DIP2C: variants seen among roughly 807,000 people sequenced by gnomAD.
DIP2C encodes the protein disco-interacting protein 2 homolog C.
A neutral mutation model predicts 192.4 loss-of-function variants in DIP2C; 33 were observed. The observed-to-expected ratio is 0.17, with a 90% CI of 0.13 to 0.23. The LOEUF is 0.23. Among genes scored for constraint, DIP2C ranks in the 10% least tolerant of loss-of-function variants. The pLI, the probability that DIP2C is intolerant of heterozygous loss-of-function variation, is 1.00. For missense variants in DIP2C, 1,537 were observed against 2,110.1 expected, an observed-to-expected ratio of 0.73 and a Z score of 5.32; for synonymous variants, 979 against 864.1, an observed-to-expected ratio of 1.13 and a Z score of -2.33.
intron 1 of DIP2C, among the ~76,000 whole-genome samples, chr10:494,372 AAC>A (rs143415810): frequency 0.022 from 3,304 of 152,320 alleles, 125 homozygotes; most frequent in African/African-American, 0.074. Context: ...CACCGGGGCC[AAC>A]AGAGCCTCAA....
intron 1 of DIP2C, chr10:663,508 G>A (rs554372710): frequency 6.6e-6 from 1 of 152,410 alleles, no homozygotes; most frequent in African/African-American, 2.4e-5. Context: ...CCAGGAAGCA[G>A]GGACAGGACA....
intron 1 of DIP2C, among the ~76,000 whole-genome samples, chr10:604,059 C>CT (rs1852295228): frequency 6.7e-6 from 1 of 149,952 alleles, no homozygotes; most frequent in East Asian, 2.0e-4. Context: ...CCCCTCTGGC[C>CT]TCTACCTCAT....
intron 1 of DIP2C, among the ~76,000 whole-genome samples, chr10:516,055 G>C (rs1034395959): frequency 1.3e-5 from 2 of 151,292 alleles, no homozygotes; most frequent in African/African-American, 4.9e-5. Context: ...CCAGTGGGAT[G>C]GTTTCCACTT....
intron 3 of DIP2C, among the ~76,000 whole-genome samples, chr10:453,683 A>G (rs1009442275): frequency 1.3e-5 from 2 of 152,234 alleles, no homozygotes; most frequent in African/African-American, 4.8e-5. Flanking sequence ...GCAAAGAGAA[A>G]AGAAGCAGAT....
chr10:484,645 C>A (rs1336784552), intron 2 of DIP2C: 2 of 1,269,144 alleles, frequency 1.6e-6, no homozygotes, highest in South Asian at 3.1e-5. Flanking sequence ...GTGGAGCGAC[C>A]TGGCTCACTG....
At chr10:629,280 G>A (rs1400806002) in intron 1 of DIP2C, among the ~76,000 whole-genome samples, 2 of 152,176 alleles carry the variant, frequency 1.3e-5, no homozygotes, top group East Asian at 1.9e-4. Context: ...CCTCTCCTGA[G>A]GACAAAACTG....
chr10:331,665 T>G (rs1375287322), intron 29 of DIP2C, among the ~76,000 whole-genome samples: 3 of 152,234 alleles, frequency 2.0e-5, no homozygotes, highest in African/African-American at 7.2e-5. Flanking sequence ...CCATTTTATA[T>G]CAGGGACTTG....
chr10:540,782 C>T (rs1564831662), intron 1 of DIP2C, among the ~76,000 whole-genome samples: 1 of 152,242 alleles, frequency 6.6e-6, no homozygotes, highest in Non-Finnish European at 1.5e-5. Context: ...CTGTAAGGTG[C>T]ATTTGCTTTT....
At chr10:439,205 C>T (rs118130366) in intron 4 of DIP2C, among the ~76,000 whole-genome samples, 5 of 152,230 alleles carry the variant, frequency 3.3e-5, no homozygotes, top group Non-Finnish European at 5.9e-5. Flanking sequence ...CAAGGGAGCA[C>T]GTTGGCAGAA....
chr10:485,461 G>C (rs1158575111), intron 2 of DIP2C, among the ~76,000 whole-genome samples: 1 of 152,190 alleles, frequency 6.6e-6, no homozygotes, highest in African/African-American at 2.4e-5. Context: ...CCTCTGCTAA[G>C]CAAGGTCCAC....
intron 29 of DIP2C, among the ~76,000 whole-genome samples, chr10:329,917 TTAG>T (rs1364771264): frequency 3.3e-5 from 5 of 152,166 alleles, no homozygotes; most frequent in Non-Finnish European, 7.3e-5. Flanking sequence ...ATCCTCTTTC[TTAG>T]TAGAAAACAC....
At chr10:546,993 T>C (rs1564837536) in intron 1 of DIP2C, among the ~76,000 whole-genome samples, 1 of 152,222 alleles carries the variant, frequency 6.6e-6, no homozygotes, top group Non-Finnish European at 1.5e-5. Flanking sequence ...GCAGAGTTTG[T>C]AAGTCATTCT....
intron 36 of DIP2C, among the ~76,000 whole-genome samples, chr10:279,882 G>A (rs767922675): frequency 2.0e-5 from 3 of 152,322 alleles, no homozygotes; most frequent in Non-Finnish European, 2.9e-5. Flanking sequence ...CGAGGCCCTC[G>A]ATGCACACCT....
At chr10:332,127 T>A (rs1157323396) in intron 29 of DIP2C, among the ~76,000 whole-genome samples, 1 of 152,084 alleles carries the variant, frequency 6.6e-6, no homozygotes, top group African/African-American at 2.4e-5. Context: ...ACTTAAAACT[T>A]TTTTTGTGGA....
At chr10:547,826 T>TC (rs756209886) in intron 1 of DIP2C, among the ~76,000 whole-genome samples, 14 of 152,108 alleles carry the variant, frequency 9.2e-5, no homozygotes, top group Non-Finnish European at 1.5e-5. Context: ...GCCCTGCTGT[T>TC]CCATCGCACC....
At chr10:377,166 T>C (rs1194959725) in intron 17 of DIP2C, among the ~76,000 whole-genome samples, 3 of 140,754 alleles carry the variant, frequency 2.1e-5, no homozygotes, top group African/African-American at 8.0e-5. Context: ...TTGCACTGAA[T>C]ATACTATTTA....
chr10:485,687 A>G lies in DIP2C; in HGVS notation c.157+772T>C, dbSNP rs557715023. 9.2e-5 allele frequency among the ~76,000 whole-genome samples: 14 copies of G among 152,326 alleles called. No individual in the cohort carries two copies. In the South Asian group the frequency reaches 1.0e-3, roughly 11 times the overall value. On this transcript the variant is annotated intron_variant, in intron 2 of 36. Transcript: ENST00000280886. ...GGACATGTGCATCCTTAAACCTTCT[A>G]AAATCTTCTTTCAATGGTAAGAACT...
intron 1 of DIP2C, among the ~76,000 whole-genome samples, chr10:605,058 G>A (rs909351952): frequency 1.3e-5 from 2 of 152,210 alleles, no homozygotes; most frequent in Non-Finnish European, 2.9e-5. Flanking sequence ...CTGCAACCTT[G>A]GAGTTTACAG....
At chr10:393,410 G>C (rs1403757131) in intron 10 of DIP2C, among the ~76,000 whole-genome samples, 2 of 152,182 alleles carry the variant, frequency 1.3e-5, no homozygotes, top group Non-Finnish European at 2.9e-5. Context: ...ACTTCTGAAA[G>C]GATGGCACCC....
Sources: allele counts gnomAD v4.1 joint callset (sites outside exome capture counted in the v4.1 genomes callset), GRCh38; gene constraint gnomAD v4.1.1; transcripts MANE v1.5; gene names NCBI Gene and HGNC (gene_info 2026-07-23, HGNC 2026-07-21).